Variants in MRPL13 observed in about 807,000 individuals in gnomAD.
MRPL13 encodes the protein mitochondrial ribosomal protein L13.
Under a neutral mutation model 29.0 loss-of-function variants are expected in MRPL13, and 33 were observed. The ratio of observed to expected loss-of-function variants is 1.14; its 90% CI spans 0.86 to 1.52. MRPL13 has a LOEUF of 1.52. Among genes scored for constraint, MRPL13 ranks in the 40% most tolerant of loss-of-function variants. The pLI is 0.00. For missense variants in MRPL13, 227 were observed against 216.7 expected, an observed-to-expected ratio of 1.05 and a Z score of -0.30; for synonymous variants, 77 against 68.4, an observed-to-expected ratio of 1.13 and a Z score of -0.62.
At chr8:120,407,934 C>T (rs77773491) in intron 6 of MRPL13, among the ~76,000 whole-genome samples, 2,692 of 151,996 alleles carry the variant, frequency 0.018, 82 homozygotes, top group African/African-American at 0.062. Flanking sequence ...ATCTTAAAAG[C>T]GATAAAAGGT....
At position 120,410,672 on chromosome 8, in the gene MRPL13, T is replaced by C. The variant is rs550823784; in HGVS notation, c.515+3319A>G. On this transcript the variant is annotated intron_variant, in intron 6 of 6. Coordinates refer to ENST00000306185, the MANE Select transcript of MRPL13 (RefSeq NM_014078.6). ...TAAAAAATTCAGTTCCTTAGTCACA[T>C]TAGCCACAGTGCAAGGGCTCAAGAG... is the stretch of plus-strand genomic sequence containing the variant. 3.3e-5 allele frequency among the ~76,000 whole-genome samples: 5 copies of C among 152,318 alleles called. No individual in the cohort carries two copies. The East Asian group carries it at 7.7e-4, about 24-fold the overall frequency.
At chr8:120,413,617 C>A (rs1280794125) in intron 6 of MRPL13, among the ~76,000 whole-genome samples, 1 of 151,966 alleles carries the variant, frequency 6.6e-6, no homozygotes, top group African/African-American at 2.4e-5. Context: ...CAACAAGTAT[C>A]CAAAATTAAT....
At chr8:120,430,807 G>C (rs894872486) in intron 3 of MRPL13, among the ~76,000 whole-genome samples, 4 of 152,122 alleles carry the variant, frequency 2.6e-5, no homozygotes, top group Non-Finnish European at 5.9e-5. Flanking sequence ...TACACATTAT[G>C]GTAGCTGTTC....
chr8:120,405,851 T>C (rs1812660163), intron 6 of MRPL13, among the ~76,000 whole-genome samples: 1 of 152,194 alleles, frequency 6.6e-6, no homozygotes, highest in South Asian at 2.1e-4. Flanking sequence ...GATTAAATAG[T>C]TTTTAAAAAC....
intron 2 of MRPL13, among the ~76,000 whole-genome samples, chr8:120,441,319 G>A (rs1813121089): frequency 6.6e-6 from 1 of 152,078 alleles, no homozygotes; most frequent in Admixed American, 6.6e-5. Context: ...AATTTGGGAG[G>A]CATTAGCATA....
At chr8:120,400,601 A>G (rs1259093171) in intron 6 of MRPL13, among the ~76,000 whole-genome samples, 2 of 152,016 alleles carry the variant, frequency 1.3e-5, no homozygotes, top group African/African-American at 4.8e-5. Flanking sequence ...CTAGCAGAAG[A>G]CAAGAAATAA....
At chr8:120,403,749 T>G (rs933812586) in intron 6 of MRPL13, among the ~76,000 whole-genome samples, 1 of 152,230 alleles carries the variant, frequency 6.6e-6, no homozygotes, top group Non-Finnish European at 1.5e-5. Flanking sequence ...TACTAGTCCT[T>G]TTCTATATTT....
intron 4 of MRPL13, among the ~76,000 whole-genome samples, chr8:120,425,093 C>T (rs946698686): frequency 6.6e-6 from 1 of 151,832 alleles, no homozygotes; most frequent in Non-Finnish European, 1.5e-5. Context: ...CAGAATTCTT[C>T]GACTAAATGC....
chr8:120,409,021 T>C (rs1227871489), intron 6 of MRPL13, among the ~76,000 whole-genome samples: 1 of 152,182 alleles, frequency 6.6e-6, no homozygotes, highest in Non-Finnish European at 1.5e-5. Context: ...GCATCAGTAA[T>C]GGTTGTCCTC....
chr8:120,434,841 T>A (rs1813034929), intron 2 of MRPL13, among the ~76,000 whole-genome samples: 1 of 152,146 alleles, frequency 6.6e-6, no homozygotes, highest in African/African-American at 2.4e-5. Flanking sequence ...CAAAACTATT[T>A]GCAGTTTTTG....
chr8:120,442,130 T>C (rs1486465273), intron 2 of MRPL13, among the ~76,000 whole-genome samples: 1 of 152,190 alleles, frequency 6.6e-6, no homozygotes, highest in Non-Finnish European at 1.5e-5. Flanking sequence ...ATATTTGTCA[T>C]CGAGAAAATG....
At position 120,404,524 on chromosome 8, in the gene MRPL13, A is replaced by G. The variant is rs556121150; in HGVS notation, c.516-8399T>C. On this transcript the variant is annotated intron_variant, in intron 6 of 6. Coordinates refer to ENST00000306185, the MANE Select transcript of MRPL13 (RefSeq NM_014078.6). Reference sequence around the variant, plus strand: ...ATTTTCTGTCAAGCTCTTCACAACAATTCCTTTCTAACACAGACTGGGCTC... The same window carrying G: ...ATTTTCTGTCAAGCTCTTCACAACAGTTCCTTTCTAACACAGACTGGGCTC... Among the ~76,000 whole-genome samples, 12 of 152,286 alleles carry G rather than the reference A, an allele frequency of 7.9e-5. No individual in the cohort carries two copies. The South Asian group carries it at 1.9e-3, about 24-fold the overall frequency.
intron 6 of MRPL13, among the ~76,000 whole-genome samples, chr8:120,401,936 T>TA (rs1812602423): frequency 1.3e-5 from 2 of 152,074 alleles, no homozygotes; most frequent in South Asian, 4.1e-4. Context: ...GGAATACAGC[T>TA]AACAAGGGAA....
At chr8:120,400,272 C>T (rs1257877873) in intron 6 of MRPL13, among the ~76,000 whole-genome samples, 3 of 152,270 alleles carry the variant, frequency 2.0e-5, no homozygotes, top group Middle Eastern at 3.4e-3. Context: ...GAAATCATAA[C>T]AGTCTCTCAG....
At chr8:120,444,078 A>G in intron 1 of MRPL13, among the ~76,000 whole-genome samples, 1 of 152,156 alleles carries the variant, frequency 6.6e-6, no homozygotes, top group East Asian at 1.9e-4. Context: ...CACAACCTCA[A>G]ACTAGTCTAC....
In MRPL13 at chr8:120,440,252, G is replaced by C. The variant is rs1159320978; in HGVS notation, c.151+2933C>G. 2.6e-5 allele frequency among the ~76,000 whole-genome samples: 4 copies of C among 152,342 alleles called. No homozygotes were observed. The East Asian group carries it at 7.7e-4, about 29-fold the overall frequency. On this transcript the variant is annotated intron_variant, in intron 2 of 6. Transcript: ENST00000306185. ...TAAATGCCTGAGCAGAAATCTGAAA[G>C]ACATGAAGAAATAAGCTATGCAGAT...
intron 5 of MRPL13, chr8:120,415,651 T>C (rs894553482): frequency 6.6e-6 from 1 of 152,148 alleles, no homozygotes; most frequent in Non-Finnish European, 1.5e-5. Context: ...ATAGATACTC[T>C]TGATAATGTG....
chr8:120,431,489 T>C (rs1370333632), intron 3 of MRPL13, among the ~76,000 whole-genome samples: 1 of 152,180 alleles, frequency 6.6e-6, no homozygotes, highest in Non-Finnish European at 1.5e-5. Flanking sequence ...GAGTTTTAGC[T>C]GACAGTAAAC....
At chr8:120,413,688 C>G (rs897342087) in intron 6 of MRPL13, among the ~76,000 whole-genome samples, 1 of 152,142 alleles carries the variant, frequency 6.6e-6, no homozygotes, top group East Asian at 1.9e-4. Context: ...AGAATCATTA[C>G]GTTTTAGATT....
Sources: gnomAD v4.1 joint callset for allele counts (sites outside exome capture counted in the v4.1 genomes callset) on GRCh38, gnomAD v4.1.1 for gene constraint, MANE v1.5 for transcripts, NCBI Gene and HGNC (gene_info 2026-07-23, HGNC 2026-07-21) for gene names.